The following KCNK3 variants were observed in gnomAD, a reference collection of about 807,000 sequenced individuals.
The protein encoded by KCNK3 is potassium two pore domain channel subfamily K member 3, also known as potassium channel subfamily K member 3.
In KCNK3, 9 loss-of-function variants were observed where a neutral mutation model predicts 27.3. The ratio of observed to expected loss-of-function variants is 0.33; its 90% confidence interval spans 0.20 to 0.57. The LOEUF is 0.57. KCNK3 is among the 20% of genes least tolerant of loss of function. The probability of loss-of-function intolerance (pLI) is 0.87; values close to 1 mark genes in which losing one functional copy is unlikely to be tolerated. For synonymous variants in KCNK3, 278 were observed against 273.8 expected (o/e 1.02, Z -0.15); for missense variants, 391 against 577.7 (o/e 0.68, Z 3.31).
intron 1 of KCNK3, among the ~76,000 whole-genome samples, chr2:26,710,683 G>C (rs1013301742): frequency 1.3e-5 from 2 of 152,188 alleles, no homozygotes; most frequent in African/African-American, 2.4e-5. Context: ...GATGTCTGTA[G>C]CAGCCTCCAG....
At chr2:26,711,688 A>T (rs1314190562) in intron 1 of KCNK3, among the ~76,000 whole-genome samples, 2 of 152,272 alleles carry the variant, frequency 1.3e-5, no homozygotes, top group Admixed American at 6.5e-5. Flanking sequence ...TCGTTTGAAG[A>T]TTACACAACG....
intron 1 of KCNK3, among the ~76,000 whole-genome samples, chr2:26,712,021 T>C (rs1014217964): frequency 2.0e-5 from 3 of 152,114 alleles, no homozygotes; most frequent in Admixed American, 2.0e-4. Context: ...GCAGCCTCTA[T>C]AGATCACAGG....
chr2:26,724,069 C>T (rs553613451), intron 1 of KCNK3, among the ~76,000 whole-genome samples: 57 of 152,342 alleles, frequency 3.7e-4, no homozygotes, highest in African/African-American at 1.3e-3. Flanking sequence ...GGCAGGCAGA[C>T]GGGTCTTGCC....
At chr2:26,704,466 C>G (rs1339370451) in intron 1 of KCNK3, among the ~76,000 whole-genome samples, 1 of 152,214 alleles carries the variant, frequency 6.6e-6, no homozygotes, top group African/African-American at 2.4e-5. Context: ...TGTCCCTCAT[C>G]AGGAATGCAC....
chr2:26,696,652 G>A (rs1670238953), intron 1 of KCNK3, among the ~76,000 whole-genome samples: 1 of 152,204 alleles, frequency 6.6e-6, no homozygotes, highest in Non-Finnish European at 1.5e-5. Context: ...TCACCCAACA[G>A]TAATAGAAAG....
intron 1 of KCNK3, among the ~76,000 whole-genome samples, chr2:26,708,407 C>T (rs1033010747): frequency 2.0e-5 from 3 of 152,204 alleles, no homozygotes. Flanking sequence ...GGCGCGGTGG[C>T]TCACACCTGT....
chr2:26,724,291 C>T (rs902083582), intron 1 of KCNK3, among the ~76,000 whole-genome samples: 4 of 152,244 alleles, frequency 2.6e-5, no homozygotes, highest in Non-Finnish European at 5.9e-5. Context: ...CTCCTGTTAC[C>T]ACCTCTGCTG....
intron 1 of KCNK3, among the ~76,000 whole-genome samples, chr2:26,720,915 C>T (rs1366529188): frequency 6.6e-6 from 1 of 152,156 alleles, no homozygotes; most frequent in Non-Finnish European, 1.5e-5. Context: ...CCCGGTGGTT[C>T]CCAGGCCTAG....
In KCNK3 at chr2:26,730,732, GA is replaced by G; in HGVS notation, c.*2166del. On this transcript the variant is annotated 3_prime_UTR_variant, in exon 2 of 2. Coordinates refer to ENST00000302909, the MANE Select transcript of KCNK3 (RefSeq NM_002246.3). ...GAGGAACTGGCTGCACGTGGGACCT[GA>G]AGGTGCCCTCTGTGTTTATGTTGGG... is the stretch of plus-strand genomic sequence containing the variant. The G allele has an allele frequency of 6.5e-6, 1 of 152,942 alleles. No homozygotes were observed. The highest frequency in any genetic ancestry group is 1.5e-5 in the Non-Finnish European group (1 of 68,642). The allele number at this position is 152,942 out of a possible 1,614,324, so 9.5% of individuals were successfully genotyped here.
intron 1 of KCNK3, among the ~76,000 whole-genome samples, chr2:26,697,427 C>A (rs569148721): frequency 6.6e-6 from 1 of 152,170 alleles, no homozygotes; most frequent in African/African-American, 2.4e-5. Flanking sequence ...ATCACTTGAA[C>A]GCAGAAGGCA....
chr2:26,731,639 GC>G lies in KCNK3; in HGVS notation c.*3073del, dbSNP rs538566372. 6.6e-5 allele frequency: 10 copies of G among 152,324 alleles called. No homozygotes were observed. In the East Asian group the frequency reaches 1.9e-3, roughly 29 times the overall value. The allele number at this position is 152,324 out of a possible 1,614,324, so 9.4% of individuals were successfully genotyped here. On this transcript the variant is annotated 3_prime_UTR_variant, in exon 2 of 2. Transcript: ENST00000302909. The stretch of plus-strand genomic sequence containing the variant: ...TAGCTGACTCGCCATGGGCTCGCTG[GC>G]CTGTGGGCGACACTGGCTTCCCTTT...
chr2:26,697,032 C>T (rs1670242825), intron 1 of KCNK3, among the ~76,000 whole-genome samples: 1 of 152,168 alleles, frequency 6.6e-6, no homozygotes, highest in Non-Finnish European at 1.5e-5. Flanking sequence ...CTCTCACCAA[C>T]CTCTCTAGAT....
chr2:26,711,139 G>A (rs1663103522), intron 1 of KCNK3, among the ~76,000 whole-genome samples: 2 of 152,200 alleles, frequency 1.3e-5, no homozygotes, highest in South Asian at 2.1e-4. Flanking sequence ...TGGGCTGGCA[G>A]CAGAAGACCC....
Position 26,693,279 on chromosome 2 carries a change from T to A in KCNK3, c.283+121T>A. The A allele has an allele frequency of 9.9e-7, 1 of 1,005,986 alleles. No individual in the cohort carries two copies. The highest frequency in any genetic ancestry group is 1.4e-6 in the Non-Finnish European group (1 of 736,802). 62.3% of individuals were successfully genotyped at this position (1,005,986 alleles called of 1,614,324 possible). A position where few individuals can be genotyped will look rare whatever the true frequency, so the allele number is the denominator to read the frequency against. On this transcript the variant is annotated intron_variant, in intron 1 of 1. Transcript: ENST00000302909. This position sits in a 1 kb window ranked among gnomAD's most constrained non-coding sequence, Gnocchi z 5.5. ...CCGAGAGGGGCTGGGCGCCGAACCC[T>A]GCGCTCGCAGAAACCCGAGTTCAGC...
At chr2:26,725,911 A>G (rs1477113672) in intron 1 of KCNK3, among the ~76,000 whole-genome samples, 1 of 152,132 alleles carries the variant, frequency 6.6e-6, no homozygotes, top group South Asian at 2.1e-4. Flanking sequence ...CTGGCACTTC[A>G]CTCATTATTA....
intron 1 of KCNK3, among the ~76,000 whole-genome samples, chr2:26,720,287 G>A (rs1663304736): frequency 1.3e-5 from 2 of 152,126 alleles, no homozygotes. Context: ...CAAAAAACGA[G>A]TGGGTTGAAC....
At chr2:26,719,958 A>G (rs1663297923) in intron 1 of KCNK3, among the ~76,000 whole-genome samples, 2 of 152,100 alleles carry the variant, frequency 1.3e-5, no homozygotes, top group Non-Finnish European at 1.5e-5. Flanking sequence ...GCCTCAGTTT[A>G]CCCATCTATA....
At chr2:26,712,173 G>C (rs1276184700) in intron 1 of KCNK3, among the ~76,000 whole-genome samples, 1 of 152,204 alleles carries the variant, frequency 6.6e-6, no homozygotes, top group Non-Finnish European at 1.5e-5. Context: ...GAGGTCAGAA[G>C]AGAGCAACAA....
chr2:26,708,361 A>G (rs904000260), intron 1 of KCNK3, among the ~76,000 whole-genome samples: 1 of 152,222 alleles, frequency 6.6e-6, no homozygotes. Flanking sequence ...CTGCAGGGCC[A>G]TGGAGACCAT....
Sources: gnomAD v4.1 joint callset for allele counts (sites outside exome capture counted in the v4.1 genomes callset) on GRCh38, gnomAD v4.1.1 for gene constraint, Gnocchi (gnomAD v3.1) non-coding constraint, MANE v1.5 for transcripts, NCBI Gene and HGNC (gene_info 2026-07-23, HGNC 2026-07-21) for gene names.